The following RBMS1 variants were observed in gnomAD, a reference collection of about 807,000 sequenced individuals.
RBMS1 encodes RNA-binding motif, single-stranded-interacting protein 1.
RBMS1 carries 17 observed loss-of-function variants against 62.3 expected under a neutral mutation model. The ratio of observed to expected loss-of-function variants is 0.27; its 90% CI spans 0.19 to 0.41. The LOEUF is 0.41. RBMS1 is among the 10% of genes least tolerant of loss of function. The pLI, the probability that RBMS1 is intolerant of heterozygous loss-of-function variation, is 1.00. For missense variants in RBMS1, 334 were observed against 504.5 expected, an observed-to-expected ratio of 0.66 and a Z score of 3.24; for synonymous variants, 172 against 170.0, an observed-to-expected ratio of 1.01 and a Z score of -0.09.
At chr2:160,453,175 G>A (rs2105321819) in intron 1 of RBMS1, among the ~76,000 whole-genome samples, 1 of 152,132 alleles carries the variant, frequency 6.6e-6, no homozygotes, top group South Asian at 2.1e-4. Flanking sequence ...AGGCAAAAGG[G>A]AGAGAAGGGA....
intron 1 of RBMS1, among the ~76,000 whole-genome samples, chr2:160,487,666 A>G (rs1261518775): frequency 6.6e-6 from 1 of 152,162 alleles, no homozygotes; most frequent in East Asian, 1.9e-4. Context: ...GCATGTTTAC[A>G]GTGCCAGATC....
At chr2:160,303,606 T>C in intron 4 of RBMS1, 119 bp from the exon 5 acceptor site, 1 of 1,101,314 alleles carries the variant, frequency 9.1e-7, no homozygotes, top group South Asian at 1.6e-5. Context: ...ACTCAGAACC[T>C]CAGAACACCA....
In RBMS1 at chr2:160,273,966, TTA is replaced by T. The variant is rs1687697720; in HGVS notation, c.*804_*805del. 1 of 152,618 alleles carries T rather than the reference TTA, an allele frequency of 6.6e-6. No individual in the cohort carries two copies. Among genetic ancestry groups the T allele is most frequent in the Non-Finnish European group, 1.5e-5 (1 of 68,020 alleles). The allele number at this position is 152,618 out of a possible 1,614,324, so 9.5% of individuals were successfully genotyped here. ...TTCTTGCATTTCACTACCTTACACA[TTA>T]TGTGAAAAATCATTAAAAACACCTA... On this transcript the variant is annotated 3_prime_UTR_variant, in exon 14 of 14. Transcript: ENST00000348849.
At chr2:160,475,149 A>G (rs955880719) in intron 1 of RBMS1, among the ~76,000 whole-genome samples, 23 of 152,364 alleles carry the variant, frequency 1.5e-4, no homozygotes, top group Admixed American at 6.5e-4. Flanking sequence ...ATTTTTAAAA[A>G]GGCAATGGGT....
chr2:160,392,193 C>A (rs550617274), intron 1 of RBMS1, among the ~76,000 whole-genome samples: 2 of 152,256 alleles, frequency 1.3e-5, no homozygotes, highest in South Asian at 4.1e-4. Context: ...GTTTGGGTTT[C>A]ATTTTCTTTC....
chr2:160,419,603 G>T (rs988560969), intron 1 of RBMS1, among the ~76,000 whole-genome samples: 3 of 152,166 alleles, frequency 2.0e-5, no homozygotes, highest in Non-Finnish European at 4.4e-5. Flanking sequence ...GTTTGAAAAT[G>T]TCCGCAATTC....
intron 1 of RBMS1, among the ~76,000 whole-genome samples, chr2:160,432,041 G>A (rs1682915424): frequency 6.6e-6 from 1 of 152,132 alleles, no homozygotes; most frequent in South Asian, 2.1e-4. Context: ...GTATAGTACA[G>A]AATAGGTATT....
At chr2:160,358,644 C>T (rs1259925437) in intron 2 of RBMS1, among the ~76,000 whole-genome samples, 1 of 151,902 alleles carries the variant, frequency 6.6e-6, no homozygotes, top group Non-Finnish European at 1.5e-5. Context: ...TAAATGGGTG[C>T]AAGAAGCTAT....
At chr2:160,282,539 GC>G (rs1324778509) in intron 9 of RBMS1, 11 of 291,230 alleles carry the variant, frequency 3.8e-5, no homozygotes, top group African/African-American at 6.6e-5. Flanking sequence ...TGGGCCAGAT[GC>G]CCCCATTTTT....
chr2:160,475,991 G>T (rs1017032501), intron 1 of RBMS1, among the ~76,000 whole-genome samples: 3 of 151,780 alleles, frequency 2.0e-5, no homozygotes, highest in Non-Finnish European at 4.4e-5. Context: ...CATGTAGCTG[G>T]AACTACAGGA....
intron 1 of RBMS1, among the ~76,000 whole-genome samples, chr2:160,469,649 C>T (rs939084705): frequency 1.3e-5 from 2 of 152,206 alleles, no homozygotes; most frequent in African/African-American, 4.8e-5. Flanking sequence ...CTTCTGTTTC[C>T]TCTCAGGACT....
chr2:160,448,484 C>T (rs1683774553), intron 1 of RBMS1, among the ~76,000 whole-genome samples: 1 of 152,210 alleles, frequency 6.6e-6, no homozygotes, highest in Admixed American at 6.5e-5. Context: ...TTGATGGAGA[C>T]GGGGTTTCCC....
Position 160,386,079 on chromosome 2 carries a change from T to C in RBMS1, c.76-18688A>G, listed in dbSNP as rs545801268. On this transcript the variant is annotated intron_variant, in intron 1 of 13. Transcript: ENST00000348849. ...ATGATTTCATTTCTTAATCAAAATA[T>C]CATAATTTTATTAATATAGGTAAAA... 3.3e-5 allele frequency among the ~76,000 whole-genome samples: 5 copies of C among 152,336 alleles called. No individual in the cohort carries two copies. In the East Asian group the frequency reaches 7.7e-4, roughly 23 times the overall value.
intron 1 of RBMS1, among the ~76,000 whole-genome samples, chr2:160,447,733 C>T (rs1406438712): frequency 6.6e-6 from 1 of 152,162 alleles, no homozygotes; most frequent in African/African-American, 2.4e-5. Context: ...TCTGCAATTC[C>T]TAACTAGATT....
chr2:160,457,838 C>T (rs766681687), intron 1 of RBMS1, among the ~76,000 whole-genome samples: 5 of 151,958 alleles, frequency 3.3e-5, no homozygotes, highest in African/African-American at 7.3e-5. Flanking sequence ...CTGGCATTCT[C>T]GGGTGCAGCT....
At chr2:160,427,014 G>A (rs62177355) in intron 1 of RBMS1, among the ~76,000 whole-genome samples, 3,811 of 152,250 alleles carry the variant, frequency 0.025, 70 homozygotes, top group Middle Eastern at 0.061. Context: ...GAATTTTTCT[G>A]TATGTTTGTT....
intron 1 of RBMS1, among the ~76,000 whole-genome samples, chr2:160,426,831 C>T (rs1319967372): frequency 6.7e-6 from 1 of 150,288 alleles, no homozygotes; most frequent in Non-Finnish European, 1.5e-5. Context: ...TAGTATCTCA[C>T]TGCTGGAGGG....
At chr2:160,448,898 G>GC (rs1417123428) in intron 1 of RBMS1, among the ~76,000 whole-genome samples, 1 of 151,162 alleles carries the variant, frequency 6.6e-6, no homozygotes, top group African/African-American at 2.4e-5. Context: ...GAGCGCCTCT[G>GC]CCCCGCCACC....
intron 1 of RBMS1, among the ~76,000 whole-genome samples, chr2:160,444,183 ACTT>A (rs1269402921): frequency 6.6e-6 from 1 of 152,164 alleles, no homozygotes; most frequent in African/African-American, 2.4e-5. Flanking sequence ...AAATGGAACA[ACTT>A]CTTTACAAAT....
Sources: allele counts gnomAD v4.1 joint callset (sites outside exome capture counted in the v4.1 genomes callset), GRCh38; gene constraint gnomAD v4.1.1; transcripts MANE v1.5; gene names NCBI Gene and HGNC (gene_info 2026-07-23, HGNC 2026-07-21).